TBL1XR1: variants seen among roughly 807,000 people sequenced by gnomAD.
The protein encoded by TBL1XR1 is F-box-like/WD repeat-containing protein TBL1XR1.
A neutral mutation model predicts 66.9 loss-of-function variants in TBL1XR1; 5 were observed. The ratio of observed to expected loss-of-function variants is 0.07; its 90% CI spans 0.04 to 0.16. The LOEUF is 0.16. Among genes scored for constraint, TBL1XR1 ranks in the 10% least tolerant of loss-of-function variants. The probability of loss-of-function intolerance (pLI) is 1.00; values close to 1 mark genes in which losing one functional copy is unlikely to be tolerated. For missense variants in TBL1XR1, 238 were observed against 623.2 expected (o/e 0.38, Z 6.58); for synonymous variants, 210 against 206.0 (o/e 1.02, Z -0.17).
chr3:177,142,626 T>G (rs926175522), intron 1 of TBL1XR1, among the ~76,000 whole-genome samples: 4 of 152,214 alleles, frequency 2.6e-5, no homozygotes, highest in African/African-American at 9.6e-5. Context: ...ACTATTGAAC[T>G]ATACATTTTT....
At chr3:177,196,786 G>C (rs927587386) in intron 1 of TBL1XR1, among the ~76,000 whole-genome samples, 1 of 151,852 alleles carries the variant, frequency 6.6e-6, no homozygotes, top group Non-Finnish European at 1.5e-5. Flanking sequence ...CACGAAGGGA[G>C]GAAGAGGGGG....
chr3:177,152,997 T>C (rs2108859101), intron 1 of TBL1XR1, among the ~76,000 whole-genome samples: 1 of 152,132 alleles, frequency 6.6e-6, no homozygotes, highest in Non-Finnish European at 1.5e-5. Flanking sequence ...AAAAACTAGC[T>C]GGGCGTGGTG....
chr3:177,047,644 G>C (rs1716500731), intron 7 of TBL1XR1, 95 bp from the exon 8 acceptor site: 1 of 1,364,604 alleles, frequency 7.3e-7, no homozygotes, highest in Non-Finnish European at 1.0e-6. Context: ...GTACAGAAGA[G>C]AATGAAGACA....
chr3:177,023,708 G>C lies in TBL1XR1; in HGVS notation c.*1790C>G, dbSNP rs1268234413. The C allele has an allele frequency of 6.6e-6, 1 of 152,442 alleles. No homozygotes were observed. The highest frequency in any genetic ancestry group is 2.4e-5 in the African/African-American group (1 of 41,414). The allele number at this position is 152,442 out of a possible 1,614,324, so 9.4% of individuals were successfully genotyped here. A position where few individuals can be genotyped will look rare whatever the true frequency, so the allele number is the denominator to read the frequency against. On this transcript the variant is annotated 3_prime_UTR_variant, in exon 16 of 16. Coordinates refer to ENST00000457928, the MANE Select transcript of TBL1XR1 (RefSeq NM_024665.7). The stretch of plus-strand genomic sequence containing the variant: ...CAATCAATGCTGTTTTGTAAAAATA[G>C]CAAAGCAACGAATGCTGAAATCAAT...
rs781609302 is a variant in TBL1XR1 at position 177,025,367 on chromosome 3, A to G, written c.*131T>C. 1.8e-5 allele frequency: 15 copies of G among 848,116 alleles called. No individual in the cohort carries two copies. The highest frequency in any genetic ancestry group is 2.6e-5 in the Non-Finnish European group (14 of 540,688). 52.5% of individuals were successfully genotyped at this position (848,116 alleles called of 1,614,324 possible). ...TTTTGTTTATATACACTGTATGTAT[A>G]TATTTCTTTTAGATTTGGCTGTAGT... On this transcript the variant is annotated 3_prime_UTR_variant, in exon 16 of 16. Transcript: ENST00000457928.
At chr3:177,117,311 C>T (rs1726422185) in intron 1 of TBL1XR1, among the ~76,000 whole-genome samples, 1 of 152,180 alleles carries the variant, frequency 6.6e-6, no homozygotes, top group African/African-American at 2.4e-5. Context: ...AATAGCAACA[C>T]TGAATTCCTG....
intron 2 of TBL1XR1, among the ~76,000 whole-genome samples, chr3:177,090,974 G>C (rs1722763035): frequency 6.6e-6 from 1 of 151,908 alleles, no homozygotes; most frequent in Admixed American, 6.6e-5. Flanking sequence ...GGGTGACTGA[G>C]TGACACCCTG....
chr3:177,074,824 C>G lies in TBL1XR1; in HGVS notation c.-45-9802G>C, dbSNP rs140620407. ...TTATATCACAATAAAGACATAAATA[C>G]ATTTTAACTCAATCTTTCTCAAACT... On this transcript the variant is annotated intron_variant, in intron 2 of 15. Coordinates refer to ENST00000457928, the MANE Select transcript of TBL1XR1 (RefSeq NM_024665.7). Among the ~76,000 whole-genome samples the G allele has an allele frequency of 3.1e-3, 476 of 152,262 alleles. 5 individuals are homozygous for G. The highest frequency in any genetic ancestry group is 0.011 in the African/African-American group (441 of 41,548).
chr3:177,173,088 G>A (rs1044528605), intron 1 of TBL1XR1, among the ~76,000 whole-genome samples: 1 of 152,186 alleles, frequency 6.6e-6, no homozygotes, highest in African/African-American at 2.4e-5. Flanking sequence ...TCCGCAGTCT[G>A]AGGCAGGAGA....
chr3:177,184,749 C>A (rs138877863), intron 1 of TBL1XR1, among the ~76,000 whole-genome samples: 48 of 151,652 alleles, frequency 3.2e-4, no homozygotes, highest in African/African-American at 8.7e-4. Context: ...TGCAGTAAGC[C>A]GATCGCACCA....
At chr3:177,133,876 CA>C (rs541940840) in intron 1 of TBL1XR1, among the ~76,000 whole-genome samples, 1,913 of 105,744 alleles carry the variant, frequency 0.018, 55 homozygotes, top group East Asian at 0.1. Context: ...ACTCCTATCT[CA>C]AAAAAAAAAA....
chr3:177,182,583 C>T (rs1213652101), intron 1 of TBL1XR1, among the ~76,000 whole-genome samples: 3 of 152,110 alleles, frequency 2.0e-5, no homozygotes, highest in Non-Finnish European at 2.9e-5. Flanking sequence ...CTAAAGAGTG[C>T]CAGGCACTGT....
At position 177,051,736 on chromosome 3, in the gene TBL1XR1, GA is replaced by G; in HGVS notation, c.205-11del. The G allele has an allele frequency of 1.3e-6, 2 of 1,523,172 alleles. No homozygotes were observed. Among genetic ancestry groups the G allele is most frequent in the South Asian group, 1.3e-5 (1 of 79,078 alleles). The allele number at this position is 1,523,172 out of a possible 1,614,324, so 94.4% of individuals were successfully genotyped here. On this transcript the variant is annotated splice_polypyrimidine_tract_variant and intron_variant, in intron 4 of 15. Coordinates refer to ENST00000457928, the MANE Select transcript of TBL1XR1 (RefSeq NM_024665.7). ...CAAACAAGGTACCATCCTGGATTTGGAAAATTGTGAGAGAAGAAAAATCAAA... is the reference window on the plus strand; with the variant it reads ...CAAACAAGGTACCATCCTGGATTTGGAAATTGTGAGAGAAGAAAAATCAAA...
chr3:177,111,850 C>CA (rs1725605907), intron 1 of TBL1XR1, among the ~76,000 whole-genome samples: 1 of 151,334 alleles, frequency 6.6e-6, no homozygotes, highest in Non-Finnish European at 1.5e-5. Context: ...GAACCTTTTA[C>CA]AATGCACCTG....
chr3:177,141,002 C>T (rs1484251660), intron 1 of TBL1XR1, among the ~76,000 whole-genome samples: 1 of 152,028 alleles, frequency 6.6e-6, no homozygotes, highest in Non-Finnish European at 1.5e-5. Context: ...TGACTGGACA[C>T]CCCTGCTCTA....
chr3:177,049,871 G>T (rs988815455), intron 7 of TBL1XR1, 126 bp downstream of exon 7: 2 of 1,029,114 alleles, frequency 1.9e-6, no homozygotes, highest in Non-Finnish European at 2.8e-6. Context: ...GACGACTCCC[G>T]GTTTGTTGTT....
chr3:177,152,576 C>A (rs1731028181), intron 1 of TBL1XR1, among the ~76,000 whole-genome samples: 1 of 152,206 alleles, frequency 6.6e-6, no homozygotes, highest in Non-Finnish European at 1.5e-5. Context: ...TGAGCGTGAG[C>A]CATGGTGCCC....
chr3:177,109,347 GC>G (rs1371159190), intron 1 of TBL1XR1, among the ~76,000 whole-genome samples: 3 of 152,048 alleles, frequency 2.0e-5, no homozygotes, highest in Non-Finnish European at 4.4e-5. Context: ...AAACTATCAA[GC>G]AAGTCCCCTT....
intron 5 of TBL1XR1, 36 bp downstream of exon 5, chr3:177,051,468 C>T: frequency 6.5e-7 from 1 of 1,541,856 alleles, no homozygotes; most frequent in South Asian, 1.2e-5. Context: ...AATAAATAAA[C>T]CATGTAATTA....
Sources: allele counts gnomAD v4.1 joint callset (sites outside exome capture counted in the v4.1 genomes callset), GRCh38; gene constraint gnomAD v4.1.1; transcripts MANE v1.5; gene names NCBI Gene and HGNC (gene_info 2026-07-23, HGNC 2026-07-21).